VPS37A: variants seen among roughly 807,000 people sequenced by gnomAD.
VPS37A encodes the protein vacuolar protein sorting-associated protein 37A.
VPS37A carries 30 observed loss-of-function variants against 49.8 expected under a neutral mutation model. The ratio of observed to expected loss-of-function variants is 0.60; its 90% CI spans 0.45 to 0.82. VPS37A has a LOEUF of 0.82. Among genes scored for constraint, VPS37A ranks in the 40% least tolerant of loss-of-function variants. The probability of loss-of-function intolerance (pLI) is 0.00; values close to 1 mark genes in which losing one functional copy is unlikely to be tolerated. For synonymous variants in VPS37A, 195 were observed against 160.6 expected (o/e 1.21, Z -1.62); for missense variants, 593 against 464.4 (o/e 1.28, Z -2.55).
intron 1 of VPS37A, chr8:17,247,641 A>AATCTCTCT (rs1811419139): frequency 1.4e-6 from 1 of 704,014 alleles, no homozygotes; most frequent in South Asian, 1.5e-5. Flanking sequence ...GTAATCTCTC[A>AATCTCTCT]ATCTCTCTCA....
chr8:17,324,981 G>T, the VPS37A span, among the ~76,000 whole-genome samples: 1 of 152,132 alleles, frequency 6.6e-6, no homozygotes, highest in African/African-American at 2.4e-5. Context: ...TGTGATAAAA[G>T]AAATACTTTT....
At chr8:17,306,644 T>C (rs1158784451), downstream of VPS37A, among the ~76,000 whole-genome samples, 1 of 152,192 alleles carries the variant, frequency 6.6e-6, no homozygotes, top group African/African-American at 2.4e-5. Flanking sequence ...TGTTTTGGTG[T>C]CATCAAAGAC....
intron 1 of VPS37A, among the ~76,000 whole-genome samples, chr8:17,259,011 A>G (rs925095860): frequency 7.9e-5 from 12 of 151,982 alleles, no homozygotes; most frequent in Non-Finnish European, 1.2e-4. Context: ...TCATCTAGCT[A>G]AAGGCTTGAT....
chr8:17,257,626 A>G (rs866577078), intron 1 of VPS37A, among the ~76,000 whole-genome samples: 28 of 152,324 alleles, frequency 1.8e-4, no homozygotes, highest in African/African-American at 5.8e-4. Context: ...TCCAGAACCT[A>G]AAGTATAATT....
the VPS37A span, among the ~76,000 whole-genome samples, chr8:17,307,846 A>G: frequency 6.6e-6 from 1 of 150,578 alleles, no homozygotes; most frequent in Admixed American, 6.6e-5. Flanking sequence ...ATGAGAACAC[A>G]AGGACACAGG....
chr8:17,300,833 A>G (rs1456768206), downstream of VPS37A, among the ~76,000 whole-genome samples: 1 of 152,210 alleles, frequency 6.6e-6, no homozygotes, highest in East Asian at 1.9e-4. Context: ...GGATTTGCCT[A>G]GTCTAGATGT....
chr8:17,318,490 CA>C, the VPS37A span, among the ~76,000 whole-genome samples: 5 of 152,164 alleles, frequency 3.3e-5, no homozygotes, highest in Admixed American at 2.0e-4. Context: ...ACTGGAACTG[CA>C]GCAGGAGGAT....
the VPS37A span, among the ~76,000 whole-genome samples, chr8:17,316,054 G>A: frequency 6.6e-6 from 1 of 152,226 alleles, no homozygotes; most frequent in South Asian, 2.1e-4. Flanking sequence ...GTGTTTTCGT[G>A]TCATCCTGCT....
intron 5 of VPS37A, 53 bp downstream of exon 5, chr8:17,275,011 C>T: frequency 6.6e-7 from 1 of 1,505,782 alleles, no homozygotes; most frequent in East Asian, 2.3e-5. Flanking sequence ...TCATTCAATC[C>T]ACACACCTTT....
At chr8:17,262,436 T>C (rs1813039837) in intron 1 of VPS37A, among the ~76,000 whole-genome samples, 1 of 152,232 alleles carries the variant, frequency 6.6e-6, no homozygotes, top group African/African-American at 2.4e-5. Context: ...CAGCTTTATT[T>C]AGCCCCAACA....
downstream of VPS37A, chr8:17,302,369 C>T: frequency 5.1e-6 from 7 of 1,371,514 alleles, no homozygotes; most frequent in Non-Finnish European, 6.9e-6. Flanking sequence ...TATGATACCA[C>T]AGTCTTAATA....
chr8:17,259,923 T>C (rs1166226887), intron 1 of VPS37A, among the ~76,000 whole-genome samples: 1 of 152,190 alleles, frequency 6.6e-6, no homozygotes, highest in Non-Finnish European at 1.5e-5. Context: ...GCATGAAATA[T>C]CTTTTTCTAC....
At chr8:17,265,117 G>A (rs149178370) in intron 1 of VPS37A, among the ~76,000 whole-genome samples, 245 of 152,176 alleles carry the variant, frequency 1.6e-3, no homozygotes, top group African/African-American at 2.9e-3. Flanking sequence ...CTTTCTTTCT[G>A]CCTAGCTTTC....
At chr8:17,266,027 G>GT (rs774075708) in intron 2 of VPS37A, 46 bp downstream of exon 2, 13 of 1,516,502 alleles carry the variant, frequency 8.6e-6, no homozygotes, top group African/African-American at 1.4e-5. Flanking sequence ...GGACTTAACA[G>GT]TTTTTTTATT....
chr8:17,313,999 G>A, the VPS37A span, among the ~76,000 whole-genome samples: 1 of 152,308 alleles, frequency 6.6e-6, no homozygotes, highest in South Asian at 2.1e-4. Context: ...TCAGGGTAGA[G>A]GCTTTCCCTT....
the VPS37A span, among the ~76,000 whole-genome samples, chr8:17,327,915 TACC>T: frequency 6.6e-6 from 1 of 152,190 alleles, no homozygotes; most frequent in Non-Finnish European, 1.5e-5. Flanking sequence ...GTACAGATAA[TACC>T]ACATACTGCA....
intron 1 of VPS37A, among the ~76,000 whole-genome samples, chr8:17,256,185 A>G (rs1812429586): frequency 6.6e-6 from 1 of 151,772 alleles, no homozygotes; most frequent in Non-Finnish European, 1.5e-5. Flanking sequence ...GTACTAATTT[A>G]CATTCCCACC....
the VPS37A span, among the ~76,000 whole-genome samples, chr8:17,312,419 AC>A: frequency 6.6e-6 from 1 of 152,088 alleles, no homozygotes; most frequent in Non-Finnish European, 1.5e-5. Context: ...TACTAAAAAT[AC>A]AAAAATTAGC....
chr8:17,289,613 T>C (rs551507022), intron 11 of VPS37A, among the ~76,000 whole-genome samples: 4 of 152,312 alleles, frequency 2.6e-5, no homozygotes, highest in African/African-American at 9.6e-5. Flanking sequence ...TCTTGTAGTA[T>C]AGTTTGAAGT....
Sources: allele counts gnomAD v4.1 joint callset (sites outside exome capture counted in the v4.1 genomes callset), GRCh38; gene constraint gnomAD v4.1.1; transcripts MANE v1.5; gene names NCBI Gene and HGNC (gene_info 2026-07-23, HGNC 2026-07-21).